Variants in BABAM2 observed in about 807,000 individuals in gnomAD.
BABAM2 encodes BRISC and BRCA1-A complex member 2.
Under a neutral mutation model 54.7 loss-of-function variants are expected in BABAM2, and 31 were observed. That is an observed-to-expected ratio of 0.57 (90% CI 0.43 to 0.77). BABAM2 has a LOEUF of 0.77. Ranked by LOEUF, BABAM2 falls within the 30% of genes least tolerant of loss-of-function variation. The probability of loss-of-function intolerance (pLI) is 0.00; values close to 1 mark genes in which losing one functional copy is unlikely to be tolerated. For synonymous variants in BABAM2, 167 were observed against 162.9 expected, an observed-to-expected ratio of 1.03 and a Z score of -0.19; for missense variants, 364 against 455.8, an observed-to-expected ratio of 0.80 and a Z score of 1.83.
intron 4 of BABAM2, among the ~76,000 whole-genome samples, chr2:27,997,265 G>GTTGAGTGCAGC (rs140423445): frequency 6.6e-6 from 1 of 152,016 alleles, no homozygotes; most frequent in African/African-American, 2.4e-5. Flanking sequence ...GTTCTCTTGA[G>GTTGAGTGCAGC]TTGTAATCAA....
chr2:28,328,386 AT>A (rs1163028690), intron 11 of BABAM2, among the ~76,000 whole-genome samples: 1 of 152,184 alleles, frequency 6.6e-6, no homozygotes, highest in Non-Finnish European at 1.5e-5. Context: ...TGAGCCTTAG[AT>A]GTTGGAACTT....
At chr2:28,095,135 A>C (rs1300800063) in intron 6 of BABAM2, among the ~76,000 whole-genome samples, 1 of 152,066 alleles carries the variant, frequency 6.6e-6, no homozygotes, top group Non-Finnish European at 1.5e-5. Flanking sequence ...TGCATTTGTA[A>C]TTTTGATGGC....
chr2:28,129,423 T>TA, intron 7 of BABAM2, 43 bp downstream of exon 7: 1 of 1,469,880 alleles, frequency 6.8e-7, no homozygotes, highest in South Asian at 1.1e-5. Context: ...TACTTCTTGC[T>TA]AACCAATATG....
chr2:27,975,769 AAGCAGTAAGAGAAAAT>A (rs1483751952), intron 3 of BABAM2, among the ~76,000 whole-genome samples: 2 of 152,122 alleles, frequency 1.3e-5, no homozygotes, highest in African/African-American at 4.8e-5. Flanking sequence ...GGAGGACAAG[AAGCAGTAAGAGAAAAT>A]ATTTGCAAAT....
intron 6 of BABAM2, among the ~76,000 whole-genome samples, chr2:28,126,403 T>C (rs1669539726): frequency 6.7e-6 from 1 of 149,268 alleles, no homozygotes; most frequent in African/African-American, 2.5e-5. Context: ...GTTTGGTTTT[T>C]TGTCCTTGCG....
At chr2:28,306,534 C>T (rs552200067) in intron 11 of BABAM2, among the ~76,000 whole-genome samples, 3 of 152,042 alleles carry the variant, frequency 2.0e-5, no homozygotes, top group East Asian at 3.9e-4. Context: ...ATTGTTACAC[C>T]AGCTTTCTTC....
chr2:28,118,816 T>C (rs1252123919), intron 6 of BABAM2, among the ~76,000 whole-genome samples: 1 of 152,198 alleles, frequency 6.6e-6, no homozygotes, highest in Admixed American at 6.5e-5. Context: ...ATGTCCTGAA[T>C]GGTATTGTCT....
At chr2:27,940,839 A>G (rs777495660) in intron 3 of BABAM2, among the ~76,000 whole-genome samples, 4 of 152,154 alleles carry the variant, frequency 2.6e-5, no homozygotes, top group African/African-American at 7.2e-5. Flanking sequence ...AGGCTGGTAG[A>G]CATAGTCGCC....
chr2:27,958,751 C>G (rs191211305), intron 3 of BABAM2, among the ~76,000 whole-genome samples: 7 of 152,138 alleles, frequency 4.6e-5, no homozygotes, highest in Non-Finnish European at 8.8e-5. Flanking sequence ...GAAAGACAGA[C>G]AGAGGCTTGG....
intron 7 of BABAM2, among the ~76,000 whole-genome samples, chr2:28,221,743 C>G (rs181396444): frequency 1.1e-3 from 168 of 152,258 alleles, no homozygotes; most frequent in Admixed American, 2.6e-3. Flanking sequence ...GTCATTTATT[C>G]TCTCCAGTGT....
intron 3 of BABAM2, among the ~76,000 whole-genome samples, chr2:27,987,741 G>A (rs1361723334): frequency 6.6e-6 from 1 of 151,438 alleles, no homozygotes; most frequent in East Asian, 1.9e-4. Context: ...CTTGAGCCTG[G>A]GAGGTCGAGG....
At chr2:28,085,733 A>G (rs1333483458) in intron 6 of BABAM2, among the ~76,000 whole-genome samples, 1 of 152,158 alleles carries the variant, frequency 6.6e-6, no homozygotes, top group Non-Finnish European at 1.5e-5. Flanking sequence ...TTTCTAGGGT[A>G]TTGCCTCAGG....
In BABAM2 at chr2:28,104,955, T is replaced by C. The variant is rs190245713; in HGVS notation, c.571-24316T>C. On this transcript the variant is annotated intron_variant, in intron 6 of 11. Coordinates refer to ENST00000379624, the MANE Select transcript of BABAM2 (RefSeq NM_199191.3). ...ATCACAAGGACAAAAAACCAAACAC[T>C]GCATGTTCTCACTCATAGGTGGGAA... is the stretch of plus-strand genomic sequence containing the variant. Among the ~76,000 whole-genome samples, 594 of 149,764 alleles carry C rather than the reference T, an allele frequency of 4.0e-3. 5 individuals are homozygous for C. The highest frequency in any genetic ancestry group is 0.014 in the African/African-American group (551 of 40,528).
intron 7 of BABAM2, among the ~76,000 whole-genome samples, chr2:28,169,946 CTT>C (rs1674136466): frequency 6.6e-6 from 1 of 151,926 alleles, no homozygotes; most frequent in African/African-American, 2.4e-5. Flanking sequence ...GCTTTAATAA[CTT>C]CAGAAATATA....
At chr2:27,957,474 T>G (rs1558617537) in intron 3 of BABAM2, among the ~76,000 whole-genome samples, 1 of 152,226 alleles carries the variant, frequency 6.6e-6, no homozygotes, top group Admixed American at 6.5e-5. Context: ...TCAACATTCC[T>G]TGAGCACATA....
chr2:27,970,265 G>T (rs1305405797), intron 3 of BABAM2, among the ~76,000 whole-genome samples: 1 of 151,978 alleles, frequency 6.6e-6, no homozygotes, highest in East Asian at 1.9e-4. Flanking sequence ...TGTGTTATTT[G>T]TTCATTTCTT....
chr2:28,332,253 T>G (rs949819003), intron 11 of BABAM2, among the ~76,000 whole-genome samples: 1 of 152,122 alleles, frequency 6.6e-6, no homozygotes, highest in East Asian at 1.9e-4. Context: ...TGGCACACTT[T>G]TATTATGTAG....
chr2:28,264,865 A>T (rs1684846053), intron 10 of BABAM2, among the ~76,000 whole-genome samples: 1 of 152,228 alleles, frequency 6.6e-6, no homozygotes, highest in South Asian at 2.1e-4. Flanking sequence ...ATTATTCCAG[A>T]GGTCATGGGG....
intron 7 of BABAM2, among the ~76,000 whole-genome samples, chr2:28,198,729 T>C (rs1189031097): frequency 6.6e-6 from 1 of 152,148 alleles, no homozygotes; most frequent in Non-Finnish European, 1.5e-5. Context: ...TTCACTAATA[T>C]CAGTGTTACT....
Sources: gnomAD v4.1 joint callset for allele counts (sites outside exome capture counted in the v4.1 genomes callset) on GRCh38, gnomAD v4.1.1 for gene constraint, MANE v1.5 for transcripts, NCBI Gene and HGNC (gene_info 2026-07-23, HGNC 2026-07-21) for gene names.